Variants in PRICKLE2 observed in about 807,000 individuals in gnomAD.
PRICKLE2 encodes the protein prickle-like protein 2.
A neutral mutation model predicts 81.4 loss-of-function variants in PRICKLE2; 21 were observed. The ratio of observed to expected loss-of-function variants is 0.26; its 90% confidence interval spans 0.18 to 0.37. The LOEUF (loss-of-function observed/expected upper bound fraction) is 0.37, where lower values mean the gene tolerates loss of function less well. Ranked by LOEUF, PRICKLE2 falls within the 10% of genes least tolerant of loss-of-function variation. The pLI is 1.00. For synonymous variants in PRICKLE2, 456 were observed against 421.5 expected (o/e 1.08, Z -1.00); for missense variants, 940 against 1,109.0 (o/e 0.85, Z 2.16).
At chr3:64,153,098 G>T in intron 6 of PRICKLE2, 84 bp downstream of exon 6, 1 of 1,270,992 alleles carries the variant, frequency 7.9e-7, no homozygotes, top group Non-Finnish European at 1.1e-6. Flanking sequence ...TCTAACACTT[G>T]CAATCAAAGA....
At chr3:64,138,802 C>T (rs940039037) in intron 7 of PRICKLE2, among the ~76,000 whole-genome samples, 9 of 152,190 alleles carry the variant, frequency 5.9e-5, no homozygotes, top group East Asian at 1.9e-4. Context: ...TCCCCAGTGA[C>T]GGGAATGAAC....
intron 7 of PRICKLE2, among the ~76,000 whole-genome samples, chr3:64,137,326 T>C (rs140196234): frequency 2.6e-4 from 40 of 152,176 alleles, no homozygotes; most frequent in Non-Finnish European, 5.0e-4. Flanking sequence ...CTCTATAAAA[T>C]CTTGCACCAG....
intron 2 of PRICKLE2, among the ~76,000 whole-genome samples, chr3:64,231,726 G>A (rs895682449): frequency 2.0e-5 from 3 of 152,298 alleles, no homozygotes; most frequent in Admixed American, 2.0e-4. Flanking sequence ...GAGGAGGACT[G>A]GACATACCAG....
Position 64,198,859 on chromosome 3 carries a change from G to C in PRICKLE2, c.69C>G (p.Asn23Lys), listed in dbSNP as rs1413724941. The C allele has an allele frequency of 1.9e-6, 3 of 1,614,188 alleles. No individual in the cohort carries two copies. Among genetic ancestry groups the C allele is most frequent in the Non-Finnish European group, 2.5e-6 (3 of 1,180,034 alleles). ...ISKLMFDFQR[N>K]STSDDDSGCA... ...AGCCTGAGTCATCATCTGAGGTCGAGTTCCTCTGAAAGTCAAACATGAGTT... is the reference window on the plus strand; with the variant it reads ...AGCCTGAGTCATCATCTGAGGTCGACTTCCTCTGAAAGTCAAACATGAGTT... Residue 23 changes from asparagine (N) to lysine (K), a missense_variant, in exon 2 of 8, where the codon AAC (asparagine) becomes AAG (lysine). By Grantham distance (94) the Asn-to-Lys change is moderately conservative. Around this residue, in one of 2 missense-constraint regions of PRICKLE2, gnomAD observed 270 missense variants for 391.8 expected, o/e 0.69. Coordinates refer to ENST00000638394, the MANE Select transcript of PRICKLE2 (RefSeq NM_198859.4).
At chr3:64,126,863 A>C (rs1268542333) in intron 7 of PRICKLE2, among the ~76,000 whole-genome samples, 2 of 152,164 alleles carry the variant, frequency 1.3e-5, no homozygotes, top group Non-Finnish European at 2.9e-5. Context: ...GGTGTGAGCC[A>C]CTGTGCCCGG....
intron 7 of PRICKLE2, among the ~76,000 whole-genome samples, chr3:64,115,618 G>A (rs1334854022): frequency 1.3e-5 from 2 of 152,140 alleles, no homozygotes; most frequent in Non-Finnish European, 2.9e-5. Context: ...TTATGTAATG[G>A]TAAAGGGTGG....
chr3:64,106,801 A>G (rs2076763160), intron 7 of PRICKLE2, among the ~76,000 whole-genome samples: 2 of 152,176 alleles, frequency 1.3e-5, no homozygotes, highest in Non-Finnish European at 2.9e-5. Flanking sequence ...CATGTGTGAT[A>G]GGGAGGTGGG....
intron 3 of PRICKLE2, among the ~76,000 whole-genome samples, chr3:64,161,725 A>G (rs1273643065): frequency 6.6e-6 from 1 of 151,646 alleles, no homozygotes; most frequent in Non-Finnish European, 1.5e-5. Flanking sequence ...TAAAAAAAAA[A>G]AAAAAAAAAA....
At chr3:64,237,038 C>T (rs988620569) in intron 2 of PRICKLE2, among the ~76,000 whole-genome samples, 8 of 152,156 alleles carry the variant, frequency 5.3e-5, no homozygotes, top group African/African-American at 9.7e-5. Flanking sequence ...CAGCTCTCAA[C>T]GCCTCACAGG....
chr3:64,204,045 A>G (rs2078638043), intron 1 of PRICKLE2, among the ~76,000 whole-genome samples: 1 of 152,126 alleles, frequency 6.6e-6, no homozygotes, highest in East Asian at 1.9e-4. Flanking sequence ...AAAAACCCAA[A>G]TAACTATCAA....
rs191871740 is a variant in PRICKLE2 at position 64,159,976 on chromosome 3, A to T, written c.360T>A (p.Pro120=). 18 of 1,614,178 alleles carry T rather than the reference A, an allele frequency of 1.1e-5. No individual in the cohort carries two copies. The highest frequency in any genetic ancestry group is 1.5e-5 in the Non-Finnish European group (18 of 1,180,036). Reference sequence around the variant, plus strand: ...TAGCTCCTGTCATGGTGACTGGGAAAGGCCTGACATTCCCGCGGCCCAAGT... The same window carrying T: ...TAGCTCCTGTCATGGTGACTGGGAATGGCCTGACATTCCCGCGGCCCAAGT... The part of the protein sequence containing the change: ...RENLGRGNVR[P]FPVTMTGAIC... The change falls in exon 4 of 8, where the codon CCT becomes CCA. Residue 120 remains proline, a synonymous_variant. Transcript: ENST00000638394.
intron 7 of PRICKLE2, among the ~76,000 whole-genome samples, chr3:64,133,365 G>A (rs2077226320): frequency 6.6e-6 from 1 of 152,130 alleles, no homozygotes; most frequent in Non-Finnish European, 1.5e-5. Context: ...CCTGGAAGAG[G>A]AGCCAGAGCT....
At chr3:64,260,922 T>G (rs1249949260) in intron 2 of PRICKLE2, among the ~76,000 whole-genome samples, 1 of 152,158 alleles carries the variant, frequency 6.6e-6, no homozygotes, top group Non-Finnish European at 1.5e-5. Flanking sequence ...CTTAAAAACT[T>G]TTGGATCCCA....
intron 2 of PRICKLE2, among the ~76,000 whole-genome samples, chr3:64,181,204 C>T (rs1479453961): frequency 6.6e-6 from 1 of 152,168 alleles, no homozygotes; most frequent in Admixed American, 6.5e-5. Flanking sequence ...TTATACAGTA[C>T]CTCTTCCTGG....
At chr3:64,221,017 G>A (rs1013343464) in intron 1 of PRICKLE2, among the ~76,000 whole-genome samples, 10 of 152,216 alleles carry the variant, frequency 6.6e-5, no homozygotes, top group African/African-American at 9.6e-5. Context: ...AAATGGCTTC[G>A]CTGTGAGTTT....
chr3:64,226,247 C>T (rs570025751), upstream of PRICKLE2, among the ~76,000 whole-genome samples: 3 of 152,288 alleles, frequency 2.0e-5, 1 homozygote, highest in East Asian at 5.8e-4. Flanking sequence ...ATCCACATTT[C>T]CTAGACCTCA....
chr3:64,172,490 T>C (rs1402481433), intron 2 of PRICKLE2, among the ~76,000 whole-genome samples: 1 of 152,244 alleles, frequency 6.6e-6, no homozygotes, highest in African/African-American at 2.4e-5. Flanking sequence ...TGCATGTAGT[T>C]GGGCAAGTTA....
chr3:64,139,591 CT>C (rs539851900), intron 7 of PRICKLE2, among the ~76,000 whole-genome samples: 186 of 152,344 alleles, frequency 1.2e-3, no homozygotes, highest in African/African-American at 4.1e-3. Context: ...CTGAAGCCAT[CT>C]TTTCAAAATG....
intron 2 of PRICKLE2, among the ~76,000 whole-genome samples, chr3:64,176,061 C>T (rs190845744): frequency 7.2e-5 from 11 of 152,260 alleles, no homozygotes; most frequent in East Asian, 5.8e-4. Context: ...ATCACATTCA[C>T]GTTCGAGGTA....
Sources: gnomAD v4.1 joint callset for allele counts (sites outside exome capture counted in the v4.1 genomes callset) on GRCh38, gnomAD v4.1.1 for gene constraint, gnomAD v4.1.1 regional missense constraint, MANE v1.5 for transcripts, NCBI Gene and HGNC (gene_info 2026-07-23, HGNC 2026-07-21) for gene names.